The following RTTN variants were observed in gnomAD, a reference collection of about 807,000 sequenced individuals.
RTTN encodes rotatin.
Under a neutral mutation model 269.2 loss-of-function variants are expected in RTTN, and 182 were observed. The ratio of observed to expected loss-of-function variants is 0.68; its 90% CI spans 0.60 to 0.76. The LOEUF (loss-of-function observed/expected upper bound fraction) is 0.76, where lower values mean the gene tolerates loss of function less well. Ranked by LOEUF, RTTN falls within the 30% of genes least tolerant of loss-of-function variation. The pLI is 0.00. For missense variants in RTTN, 2,545 were observed against 2,608.6 expected, an observed-to-expected ratio of 0.98 and a Z score of 0.53; for synonymous variants, 1,006 against 963.5, an observed-to-expected ratio of 1.04 and a Z score of -0.82.
At chr18:70,028,676 C>T (rs960926532) in intron 43 of RTTN, 48 bp downstream of exon 43, 3 of 1,145,086 alleles carry the variant, frequency 2.6e-6, no homozygotes, top group Non-Finnish European at 2.6e-6. Flanking sequence ...AATTAAACTG[C>T]TTAATACCAG....
At chr18:70,102,727 G>A (rs1187080447) in intron 28 of RTTN, among the ~76,000 whole-genome samples, 1 of 152,202 alleles carries the variant, frequency 6.6e-6, no homozygotes, top group African/African-American at 2.4e-5. Flanking sequence ...TCCTTTCCAT[G>A]TTTAGTGATT....
chr18:70,112,434 T>A, intron 27 of RTTN, among the ~76,000 whole-genome samples: 1 of 115,226 alleles, frequency 8.7e-6, no homozygotes, highest in African/African-American at 3.2e-5. Context: ...AAAACACACA[T>A]GGGCTCAAAA....
intron 32 of RTTN, among the ~76,000 whole-genome samples, chr18:70,076,668 C>A (rs766081066): frequency 1.3e-5 from 2 of 151,942 alleles, no homozygotes; most frequent in Admixed American, 1.3e-4. Flanking sequence ...TGAGCTTACT[C>A]GTCCTAAACA....
chr18:70,053,759 C>T (rs552199095), intron 38 of RTTN, among the ~76,000 whole-genome samples: 11 of 152,248 alleles, frequency 7.2e-5, no homozygotes, highest in African/African-American at 1.4e-4. Context: ...AATTTAGGAC[C>T]TTAGGAAATT....
At chr18:70,102,209 C>G (rs1391129035) in intron 28 of RTTN, among the ~76,000 whole-genome samples, 1 of 152,094 alleles carries the variant, frequency 6.6e-6, no homozygotes, top group Non-Finnish European at 1.5e-5. Context: ...TGTGTGGAGT[C>G]CAAGTCTCTT....
chr18:70,178,931 T>G (rs1362113782), intron 10 of RTTN, among the ~76,000 whole-genome samples: 1 of 152,112 alleles, frequency 6.6e-6, no homozygotes, highest in Non-Finnish European at 1.5e-5. Flanking sequence ...GACTTATAAA[T>G]TTTAACTCAG....
intron 36 of RTTN, among the ~76,000 whole-genome samples, chr18:70,059,002 G>GT (rs1181045608): frequency 1.3e-5 from 2 of 152,180 alleles, no homozygotes; most frequent in Non-Finnish European, 2.9e-5. Context: ...TTCAGATGGT[G>GT]TATGTTCAAA....
chr18:70,204,123 A>T lies in RTTN; in HGVS notation c.360T>A (p.Pro120=), dbSNP rs776852236. Reference sequence around the variant, plus strand: ...TTTGGTATGAGGCAGAAGATAGTGCAGGAACTTCCGAAGGAAGAAGAAAAA... The same window carrying T: ...TTTGGTATGAGGCAGAAGATAGTGCTGGAACTTCCGAAGGAAGAAGAAAAA... ...DGLFLLPSEV[P]ALSSASYQTN... is the part of the protein sequence containing the mutation. The change falls in exon 3 of 49, where the codon CCT becomes CCA. Residue 120 remains proline (P), a synonymous_variant. Transcript: ENST00000640769. The T allele has an allele frequency of 3.1e-6, 5 of 1,613,898 alleles. No homozygotes were observed. In the East Asian group the frequency reaches 8.9e-5, roughly 29 times the overall value.
chr18:70,020,327 C>T (rs770352089), intron 45 of RTTN, among the ~76,000 whole-genome samples: 23 of 152,076 alleles, frequency 1.5e-4, no homozygotes, highest in African/African-American at 4.1e-4. Context: ...AAATGTAAGA[C>T]GGCTATCTTT....
intron 14 of RTTN, among the ~76,000 whole-genome samples, chr18:70,165,433 C>G (rs1214982772): frequency 6.6e-6 from 1 of 151,748 alleles, no homozygotes; most frequent in East Asian, 1.9e-4. Flanking sequence ...TCCTCTATAA[C>G]TAGTATTTTT....
Position 70,146,009 on chromosome 18 carries a change from T to C in RTTN, c.2310-226A>G, listed in dbSNP as rs76494284. On this transcript the variant is annotated intron_variant, in intron 17 of 48. Coordinates refer to ENST00000640769, the MANE Select transcript of RTTN (RefSeq NM_173630.4). The stretch of plus-strand genomic sequence containing the variant: ...TAAAATAAACATCAGAAACAAAAAA[T>C]AATAACTACAAATGAGACAGACTCA... Among the ~76,000 whole-genome samples the C allele has an allele frequency of 0.015, 2,229 of 152,196 alleles. 56 individuals are homozygous for C. Among genetic ancestry groups the C allele is most frequent in the African/African-American group, 0.051 (2,109 of 41,526 alleles).
chr18:70,024,672 A>T, intron 44 of RTTN, 50 bp downstream of exon 44: 1 of 1,497,114 alleles, frequency 6.7e-7, no homozygotes, highest in Admixed American at 1.8e-5. Flanking sequence ...CAACATTTAT[A>T]AAACTAGTAT....
chr18:70,043,830 T>C (rs547571036), intron 40 of RTTN, among the ~76,000 whole-genome samples: 147 of 152,330 alleles, frequency 9.7e-4, no homozygotes, highest in Non-Finnish European at 1.8e-3. Flanking sequence ...TCAGTTTCCA[T>C]ACAGTACTTA....
chr18:70,065,993 C>A, intron 34 of RTTN, 71 bp from the exon 35 acceptor site: 3 of 1,053,888 alleles, frequency 2.8e-6, no homozygotes, highest in East Asian at 2.5e-5. Flanking sequence ...AACATACACA[C>A]AAGATATCCT....
At chr18:70,175,320 T>C (rs2061262943) in intron 11 of RTTN, among the ~76,000 whole-genome samples, 1 of 152,030 alleles carries the variant, frequency 6.6e-6, no homozygotes, top group South Asian at 2.1e-4. Flanking sequence ...GAAGATAGTT[T>C]ATTGCTATCA....
intron 46 of RTTN, among the ~76,000 whole-genome samples, chr18:70,010,964 A>G (rs2056353729): frequency 6.6e-6 from 1 of 152,250 alleles, no homozygotes; most frequent in South Asian, 2.1e-4. Flanking sequence ...AAACACCTCT[A>G]TGCAAATAAA....
At chr18:70,195,001 T>G (rs1292028535) in intron 7 of RTTN, among the ~76,000 whole-genome samples, 1 of 152,188 alleles carries the variant, frequency 6.6e-6, no homozygotes, top group African/African-American at 2.4e-5. Flanking sequence ...ATAAAAGCAT[T>G]TACAGTCAGA....
At chr18:70,061,342 T>A (rs1305279727) in intron 35 of RTTN, 1 of 456,238 alleles carries the variant, frequency 2.2e-6, no homozygotes, top group Non-Finnish European at 4.4e-6. Context: ...TCCAGGTTCA[T>A]CTTGTTCTTT....
chr18:70,197,924 T>C (rs2146151350), intron 5 of RTTN, among the ~76,000 whole-genome samples, 186 bp from the exon 6 acceptor site: 1 of 152,310 alleles, frequency 6.6e-6, no homozygotes, highest in African/African-American at 2.4e-5. Flanking sequence ...TCCTTCCGTT[T>C]GTCCATTATT....
Sources: allele counts gnomAD v4.1 joint callset (sites outside exome capture counted in the v4.1 genomes callset), GRCh38; gene constraint gnomAD v4.1.1; transcripts MANE v1.5; gene names NCBI Gene and HGNC (gene_info 2026-07-23, HGNC 2026-07-21).